The following GSDMC variants were observed in gnomAD, a reference collection of about 807,000 sequenced individuals.
GSDMC encodes gasdermin-C.
A neutral mutation model predicts 58.0 loss-of-function variants in GSDMC; 59 were observed. The ratio of observed to expected loss-of-function variants is 1.02; its 90% CI spans 0.82 to 1.26. GSDMC has a LOEUF of 1.26. Ranked by LOEUF, GSDMC falls within the 50% of genes most tolerant of loss-of-function variation. GSDMC has a pLI of 0.00. For synonymous variants in GSDMC, 241 were observed against 220.2 expected (o/e 1.09, Z -0.83); for missense variants, 659 against 598.5 (o/e 1.10, Z -1.06).
the GSDMC span, among the ~76,000 whole-genome samples, chr8:129,706,838 G>A: frequency 6.6e-6 from 1 of 152,282 alleles, no homozygotes; most frequent in East Asian, 1.9e-4. Context: ...CACCATTAAT[G>A]AACATCCTAC....
In GSDMC at chr8:129,750,017, T is replaced by C; in HGVS notation, c.1186A>G (p.Ile396Val). The C allele has an allele frequency of 1.9e-6, 3 of 1,609,602 alleles. No individual in the cohort carries two copies. The highest frequency in any genetic ancestry group is 1.7e-4 in the Middle Eastern group (1 of 6,028). Reference sequence around the variant, plus strand: ...ATTATGGCTTCAAGGAGATAAAGAATGGGGTCCTTTGGGTTAAACCATGCA... The same window carrying C: ...ATTATGGCTTCAAGGAGATAAAGAACGGGGTCCTTTGGGTTAAACCATGCA... ...NHAWFNPKDP[I>V]LYLLEAIMVL... Residue 396 changes from isoleucine (I) to valine (V), a missense_variant, in exon 12 of 14, where the codon ATT becomes GTT. By Grantham distance (29) the Ile-to-Val change is conservative. Transcript: ENST00000276708.
chr8:129,781,903 G>C (rs2034425494), intron 1 of GSDMC, among the ~76,000 whole-genome samples: 1 of 152,096 alleles, frequency 6.6e-6, no homozygotes, highest in South Asian at 2.1e-4. Flanking sequence ...TTATCCAATG[G>C]ATGCAGAATA....
chr8:129,715,416 G>A, the GSDMC span, among the ~76,000 whole-genome samples: 7 of 152,034 alleles, frequency 4.6e-5, no homozygotes, highest in Non-Finnish European at 2.9e-5. Context: ...CCCTAAATGA[G>A]AGTGATAGGA....
At chr8:129,763,312 T>A (rs2033740749) in intron 4 of GSDMC, among the ~76,000 whole-genome samples, 1 of 152,242 alleles carries the variant, frequency 6.6e-6, no homozygotes, top group African/African-American at 2.4e-5. Context: ...AATATGACTT[T>A]ATTTCCCTTT....
At position 129,750,096 on chromosome 8, in the gene GSDMC, A is replaced by G. The variant is rs1255611066; in HGVS notation, c.1107T>C (p.His369=). Residue 369 remains histidine, a synonymous_variant, in exon 12 of 14, where the codon CAT becomes CAC. Coordinates refer to ENST00000276708, the MANE Select transcript of GSDMC (RefSeq NM_031415.3). The part of the protein sequence containing the change: ...MNMLELDSSG[H]LDGPGGAILK... Reference sequence around the variant, plus strand: ...GGATGGCACCACCAGGGCCATCCAAATGACCTGAGCTGTCCAATTCCAGCT... The same window carrying G: ...GGATGGCACCACCAGGGCCATCCAAGTGACCTGAGCTGTCCAATTCCAGCT... 1 of 1,595,106 alleles carries G rather than the reference A, an allele frequency of 6.3e-7. No individual in the cohort carries two copies. The highest frequency in any genetic ancestry group is 2.2e-5 in the East Asian group (1 of 44,740).
At chr8:129,773,396 A>T (rs974951950) in intron 3 of GSDMC, among the ~76,000 whole-genome samples, 1 of 152,270 alleles carries the variant, frequency 6.6e-6, no homozygotes, top group African/African-American at 2.4e-5. Flanking sequence ...AAAAAATGTT[A>T]GAATTAATAA....
chr8:129,721,997 C>G, the GSDMC span, among the ~76,000 whole-genome samples: 1 of 152,138 alleles, frequency 6.6e-6, no homozygotes, highest in Non-Finnish European at 1.5e-5. Context: ...AATTGAAGAG[C>G]TACTACCCTA....
intron 1 of GSDMC, among the ~76,000 whole-genome samples, chr8:129,780,958 T>C (rs1396434030): frequency 2.6e-5 from 4 of 152,206 alleles, no homozygotes; most frequent in Admixed American, 2.0e-4. Context: ...GCAATCACTG[T>C]TGTCATCTAT....
chr8:129,729,314 T>A, the GSDMC span: 7 of 551,660 alleles, frequency 1.3e-5, no homozygotes, highest in Admixed American at 1.6e-4. Flanking sequence ...ATTTGTTTTT[T>A]TTAATTATTA....
In GSDMC at chr8:129,750,086, G is replaced by C. The variant is rs2033118540; in HGVS notation, c.1117C>G (p.Pro373Ala). ...ELDSSGHLDG[P>A]GGAILKKLQQ... The stretch of plus-strand genomic sequence containing the variant: ...AGTTTCTTTAGGATGGCACCACCAG[G>C]GCCATCCAAATGACCTGAGCTGTCC... Residue 373 changes from proline to alanine, a missense_variant, in exon 12 of 14, where the codon CCT (proline) becomes GCT (alanine). By Grantham distance (27) the Pro-to-Ala change is conservative. Coordinates refer to ENST00000276708, the MANE Select transcript of GSDMC (RefSeq NM_031415.3). 6.3e-7 allele frequency: 1 copy of C among 1,596,918 alleles called. No homozygotes were observed. Among genetic ancestry groups the C allele is most frequent in the East Asian group, 2.2e-5 (1 of 44,734 alleles).
the GSDMC span, among the ~76,000 whole-genome samples, chr8:129,722,431 G>A: frequency 6.6e-6 from 1 of 152,180 alleles, no homozygotes; most frequent in Admixed American, 6.5e-5. Flanking sequence ...TGTCATGGAT[G>A]GGATTCATAG....
the GSDMC span, among the ~76,000 whole-genome samples, chr8:129,733,041 C>T: frequency 5.9e-5 from 9 of 152,256 alleles, 1 homozygote; most frequent in South Asian, 1.2e-3. Flanking sequence ...CCCACACCCA[C>T]GGAGCCTTGC....
chr8:129,714,762 T>A, the GSDMC span, among the ~76,000 whole-genome samples: 1 of 152,148 alleles, frequency 6.6e-6, no homozygotes, highest in East Asian at 1.9e-4. Context: ...TTGAAAAAAA[T>A]TGCCAAAGGA....
rs767820996 is a variant in GSDMC, at chr8:129,760,602, G to A, written c.677-13C>T. On this transcript the variant is annotated splice_polypyrimidine_tract_variant and intron_variant, in intron 5 of 13. Transcript: ENST00000276708. ...GAGATGAGAATGGCTGAATGGAAAA[G>A]AAGAACTTCCATTAGGAGAGTTGAG... 10 of 1,564,398 alleles carry A rather than the reference G, an allele frequency of 6.4e-6. No homozygotes were observed. The African/African-American group carries it at 1.1e-4, about 17-fold the overall frequency.
downstream of GSDMC, among the ~76,000 whole-genome samples, chr8:129,745,516 T>C (rs1354400207): frequency 7.8e-6 from 1 of 128,086 alleles, no homozygotes; most frequent in Non-Finnish European, 1.5e-5. Context: ...TCCCGAATTA[T>C]ATGCTACAAC....
chr8:129,749,494 G>C lies in GSDMC; in HGVS notation c.1245C>G (p.Ala415=). 6.2e-7 allele frequency: 1 copy of C among 1,613,922 alleles called. No individual in the cohort carries two copies. The part of the protein sequence containing the change: ...VLSDFQHDLL[A]CSMEKRILLQ... ...GCAGGATCCTCTTCTCCATGGAACA[G>C]GCCAGCAAATCGTGTTGGAAGTCAC... The change falls in exon 13 of 14, where the codon GCC becomes GCG. Residue 415 remains alanine, a synonymous_variant. Coordinates refer to ENST00000276708, the MANE Select transcript of GSDMC (RefSeq NM_031415.3).
chr8:129,780,588 A>G (rs1387055871), intron 1 of GSDMC, among the ~76,000 whole-genome samples: 4 of 152,220 alleles, frequency 2.6e-5, no homozygotes, highest in Non-Finnish European at 5.9e-5. Context: ...AGACCTTCCC[A>G]AACAAAAACT....
the GSDMC span, among the ~76,000 whole-genome samples, chr8:129,706,866 G>A: frequency 1.3e-5 from 2 of 152,148 alleles, no homozygotes; most frequent in African/African-American, 4.8e-5. Context: ...ATAGTATTCA[G>A]CTGTCAATAG....
intron 1 of GSDMC, among the ~76,000 whole-genome samples, chr8:129,778,257 T>C: frequency 6.6e-6 from 1 of 152,024 alleles, no homozygotes; most frequent in Admixed American, 6.6e-5. Context: ...TTGGAAGCAA[T>C]GGATGCCTGG....
Sources: allele counts gnomAD v4.1 joint callset (sites outside exome capture counted in the v4.1 genomes callset), GRCh38; gene constraint gnomAD v4.1.1; transcripts MANE v1.5; gene names NCBI Gene and HGNC (gene_info 2026-07-23, HGNC 2026-07-21).